The following SPAG1 variants were observed in gnomAD, a reference collection of about 807,000 sequenced individuals.
The protein encoded by SPAG1 is sperm associated antigen 1, also known as sperm-associated antigen 1.
SPAG1 carries 69 observed loss-of-function variants against 100.5 expected under a neutral mutation model. The observed-to-expected ratio is 0.69, with a 90% CI of 0.57 to 0.84. The LOEUF is 0.84. Among genes scored for constraint, SPAG1 ranks in the 40% least tolerant of loss-of-function variants. The pLI, the probability that SPAG1 is intolerant of heterozygous loss-of-function variation, is 0.00. For synonymous variants in SPAG1, 336 were observed against 411.6 expected, an observed-to-expected ratio of 0.82 and a Z score of 2.22; for missense variants, 955 against 1,133.1, an observed-to-expected ratio of 0.84 and a Z score of 2.26.
rs1816159437 is a variant in SPAG1 at position 100,176,976 on chromosome 8, T to C, written c.301-840T>C. ...TTTTCGTTTCTTTCTTTTTTTTCAA[T>C]GGTCCTTACTCTGGATTCATTTATT... On this transcript the variant is annotated intron_variant, in intron 3 of 18. Coordinates refer to ENST00000388798, the MANE Select transcript of SPAG1 (RefSeq NM_003114.5). Among the ~76,000 whole-genome samples, 3 of 149,956 alleles carry C rather than the reference T, an allele frequency of 2.0e-5. No homozygotes were observed. In the South Asian group the frequency reaches 6.5e-4, roughly 33 times the overall value.
At chr8:100,223,433 G>A (rs1198671716) in intron 13 of SPAG1, among the ~76,000 whole-genome samples, 2 of 151,858 alleles carry the variant, frequency 1.3e-5, no homozygotes, top group East Asian at 3.9e-4. Flanking sequence ...TTGATATTTT[G>A]TTGATGAGGA....
At chr8:100,165,549 A>G (rs1446688092) in intron 2 of SPAG1, 5 of 394,510 alleles carry the variant, frequency 1.3e-5, no homozygotes, top group African/African-American at 1.0e-4. Context: ...GGTGCCGGGG[A>G]CCACACCGCC....
chr8:100,236,514 C>T (rs1819013288), intron 16 of SPAG1, among the ~76,000 whole-genome samples: 1 of 152,136 alleles, frequency 6.6e-6, no homozygotes, highest in African/African-American at 2.4e-5. Context: ...GCCTGTTTGC[C>T]CAGGGTGACT....
intron 9 of SPAG1, among the ~76,000 whole-genome samples, chr8:100,192,999 AAATAT>A (rs771574276): frequency 1.4e-4 from 21 of 152,242 alleles, no homozygotes; most frequent in Non-Finnish European, 2.6e-4. Context: ...GTAAGATATA[AAATAT>A]AAAAGTTCTA....
chr8:100,191,575 C>T, intron 9 of SPAG1, 79 bp downstream of exon 9: 1 of 971,914 alleles, frequency 1.0e-6, no homozygotes, highest in East Asian at 2.5e-5. Context: ...ATCAATCTTG[C>T]CAAACAAATT....
chr8:100,181,135 A>G lies in SPAG1; in HGVS notation c.427-2240A>G, dbSNP rs374945202. 1.9e-4 allele frequency among the ~76,000 whole-genome samples: 29 copies of G among 152,336 alleles called. No homozygotes were observed. In the East Asian group the frequency reaches 2.1e-3, roughly 11 times the overall value. ...CCTTCTTAAAATATCCAAATATAAT[A>G]TTACACATTAGAATTTATCATGTAT... On this transcript the variant is annotated intron_variant, in intron 4 of 18. Transcript: ENST00000388798.
At chr8:100,164,615 C>A (rs1175169390) in intron 2 of SPAG1, among the ~76,000 whole-genome samples, 1 of 151,972 alleles carries the variant, frequency 6.6e-6, no homozygotes, top group Non-Finnish European at 1.5e-5. Flanking sequence ...AGTAGAGAGT[C>A]CATTTCGCCA....
intron 5 of SPAG1, 38 bp from the exon 6 acceptor site, chr8:100,183,918 A>G (rs376954400): frequency 3.1e-5 from 29 of 946,376 alleles, no homozygotes; most frequent in Non-Finnish European, 3.6e-5. Flanking sequence ...TCTTGCCTGT[A>G]TTGTACTTTT....
chr8:100,206,382 C>T (rs1373712238), intron 10 of SPAG1, among the ~76,000 whole-genome samples: 8 of 152,160 alleles, frequency 5.3e-5, no homozygotes, highest in Admixed American at 1.3e-4. Flanking sequence ...ATCAACTCTG[C>T]GGCTTTGTGT....
At chr8:100,191,226 T>C (rs953739528) in intron 8 of SPAG1, among the ~76,000 whole-genome samples, 164 bp from the exon 9 acceptor site, 1 of 152,148 alleles carries the variant, frequency 6.6e-6, no homozygotes, top group Non-Finnish European at 1.5e-5. Context: ...TGTACCTCAG[T>C]GTCATCTCCT....
intron 10 of SPAG1, among the ~76,000 whole-genome samples, chr8:100,210,091 C>G (rs1449032986): frequency 6.6e-6 from 1 of 151,870 alleles, no homozygotes; most frequent in East Asian, 1.9e-4. Flanking sequence ...TAAGGGAAAG[C>G]TTTCATTACT....
rs749062302 is a variant in SPAG1 at position 100,220,361 on chromosome 8, G to A, written c.1618G>A (p.Ala540Thr). ...TGAAACTCTAGAGCAGTATGGGAAA[G>A]CTTATGTGGATTATAAAACAGTGTT... The part of the protein sequence containing the change: ...AYETLEQYGK[A>T]YVDYKTVLQI... Residue 540 changes from alanine (A) to threonine (T), a missense_variant, in exon 13 of 19, where the codon GCT becomes ACT. Physicochemically the swap from Ala to Thr is moderately conservative, Grantham distance 58 (BLOSUM62 0). Transcript: ENST00000388798. 6.2e-7 allele frequency: 1 copy of A among 1,614,058 alleles called. No homozygotes were observed. Among genetic ancestry groups the A allele is most frequent in the East Asian group, 2.2e-5 (1 of 44,874 alleles).
chr8:100,174,491 G>T (rs965444058), intron 3 of SPAG1, among the ~76,000 whole-genome samples: 3 of 152,126 alleles, frequency 2.0e-5, no homozygotes, highest in Non-Finnish European at 4.4e-5. Context: ...GGTGCACTTG[G>T]TGTAACTTTA....
At position 100,184,628 on chromosome 8, in the gene SPAG1, G is replaced by A. The variant is rs35305781; in HGVS notation, c.596G>A (p.Gly199Asp). The A allele has an allele frequency of 4.5e-6, 7 of 1,546,724 alleles. No individual in the cohort carries two copies. The African/African-American group carries it at 8.5e-5, about 19-fold the overall frequency. The change falls in exon 7 of 19, where the codon GGT becomes GAT. Residue 199 changes from glycine to aspartate, a missense_variant and splice_region_variant. Transcript: ENST00000388798. Reference protein sequence around the residue: ...SKIETRIDTAGLTEKEKDFLA... With the variant: ...SKIETRIDTADLTEKEKDFLA... ...TATAGCAGATAACATTTATTTCTAG[G>A]TCTAACTGAGAAAGAAAAGGATTTT...
intron 14 of SPAG1, among the ~76,000 whole-genome samples, chr8:100,229,388 C>T (rs1245878289): frequency 1.3e-5 from 2 of 152,164 alleles, no homozygotes; most frequent in East Asian, 3.8e-4. Context: ...CCACCCACCG[C>T]ACTCCAGCCC....
chr8:100,190,635 A>G (rs537922952), intron 8 of SPAG1, among the ~76,000 whole-genome samples: 13 of 149,496 alleles, frequency 8.7e-5, no homozygotes, highest in African/African-American at 3.2e-4. Flanking sequence ...TCTGAGCTAG[A>G]TGCTGGTCAG....
At chr8:100,235,472 G>A (rs757924883) in intron 16 of SPAG1, among the ~76,000 whole-genome samples, 5 of 152,178 alleles carry the variant, frequency 3.3e-5, no homozygotes, top group Non-Finnish European at 5.9e-5. Flanking sequence ...ATGCCTCCCA[G>A]GTTCTGGCTG....
chr8:100,188,974 C>T (rs967091504), intron 8 of SPAG1, among the ~76,000 whole-genome samples: 1 of 152,152 alleles, frequency 6.6e-6, no homozygotes, highest in South Asian at 2.1e-4. Context: ...TTTTGCCAAC[C>T]CCATACCACT....
At chr8:100,229,341 A>T (rs1176830933) in intron 14 of SPAG1, among the ~76,000 whole-genome samples, 1 of 152,022 alleles carries the variant, frequency 6.6e-6, no homozygotes, top group Non-Finnish European at 1.5e-5. Flanking sequence ...AATGGCGTGA[A>T]CCCGGCAGGT....
Sources: allele counts gnomAD v4.1 joint callset (sites outside exome capture counted in the v4.1 genomes callset), GRCh38; gene constraint gnomAD v4.1.1; transcripts MANE v1.5; gene names NCBI Gene and HGNC (gene_info 2026-07-23, HGNC 2026-07-21).